Variants in NEBL observed in about 807,000 individuals in gnomAD.
NEBL encodes the protein nebulette, also known as LIM and SH3 protein 2.
A neutral mutation model predicts 140.2 loss-of-function variants in NEBL; 122 were observed. The observed-to-expected ratio is 0.87, with a 90% CI of 0.75 to 1.01. NEBL has a LOEUF of 1.01. NEBL is among the 50% of genes least tolerant of loss of function. The pLI is 0.00. For missense variants in NEBL, 1,365 were observed against 1,231.3 expected (o/e 1.11, Z -1.62); for synonymous variants, 436 against 398.9 (o/e 1.09, Z -1.11).
chr10:21,057,096 AATAAG>A (rs1385543415), intron 2 of NEBL, among the ~76,000 whole-genome samples: 1 of 152,200 alleles, frequency 6.6e-6, no homozygotes. Context: ...GTGGCCACAA[AATAAG>A]ATAAAACAAG....
chr10:21,089,166 C>G (rs563378673), intron 2 of NEBL, among the ~76,000 whole-genome samples: 1 of 148,610 alleles, frequency 6.7e-6, no homozygotes, highest in Non-Finnish European at 1.5e-5. Context: ...TCTGCTTGAG[C>G]GGAGTCTAGA....
At chr10:21,216,639 C>T (rs183128253) in intron 3 of NEBL, among the ~76,000 whole-genome samples, 1 of 152,188 alleles carries the variant, frequency 6.6e-6, no homozygotes, top group African/African-American at 2.4e-5. Flanking sequence ...GGCATGGTGG[C>T]ACACACCTGT....
intron 1 of NEBL, among the ~76,000 whole-genome samples, chr10:21,276,600 T>C (rs1256722462): frequency 6.6e-6 from 1 of 152,110 alleles, no homozygotes; most frequent in East Asian, 1.9e-4. Flanking sequence ...CCGAGGTGGA[T>C]GGATCTCTTG....
At chr10:21,182,831 T>G (rs534898898) in intron 3 of NEBL, among the ~76,000 whole-genome samples, 1 of 152,348 alleles carries the variant, frequency 6.6e-6, no homozygotes, top group East Asian at 1.9e-4. Context: ...TATTTCAATA[T>G]GTGATCAGTA....
intron 2 of NEBL, chr10:21,110,996 G>A (rs984452252): frequency 5.3e-5 from 18 of 339,894 alleles, no homozygotes; most frequent in Non-Finnish European, 8.0e-5. Context: ...ATTCACAATT[G>A]CTACAAAGAG....
At chr10:20,804,087 T>TA (rs1333344196) in intron 26 of NEBL, among the ~76,000 whole-genome samples, 1 of 152,048 alleles carries the variant, frequency 6.6e-6, no homozygotes, top group African/African-American at 2.4e-5. Context: ...GAGCTAGAGA[T>TA]ACAACAGTCA....
intron 2 of NEBL, among the ~76,000 whole-genome samples, chr10:21,131,992 CATA>C (rs1481206386): frequency 3.3e-5 from 5 of 151,682 alleles, no homozygotes; most frequent in Non-Finnish European, 4.4e-5. Flanking sequence ...GACATGTAAT[CATA>C]ATACCATAAA....
chr10:21,111,677 A>T (rs12358463), intron 2 of NEBL, among the ~76,000 whole-genome samples: 25,037 of 142,870 alleles, frequency 0.18, 2,861 homozygotes, highest in African/African-American at 0.33. Context: ...GACATAGGCA[A>T]GGGCAAAGAC....
chr10:20,797,949 A>G (rs996862185), intron 26 of NEBL, among the ~76,000 whole-genome samples: 1 of 151,922 alleles, frequency 6.6e-6, no homozygotes, highest in African/African-American at 2.4e-5. Context: ...AAAAACAAAA[A>G]AATACTCACC....
At chr10:21,259,835 CA>C (rs1396568737) in intron 1 of NEBL, among the ~76,000 whole-genome samples, 1 of 152,138 alleles carries the variant, frequency 6.6e-6, no homozygotes, top group Non-Finnish European at 1.5e-5. Context: ...TCCTAGAGGG[CA>C]GGGGGGTGGA....
Position 21,184,238 on chromosome 10 carries a change from T to G in NEBL, n.349-11761A>C, listed in dbSNP as rs117977492. On this transcript the variant is annotated intron_variant and non_coding_transcript_variant, in intron 3 of 8. Transcript: ENST00000675702. ...TTCCAGTGAAATATGGGTGCAAGCT[T>G]GTCCAAAGGTGTTTTCTTGTCTCAG... is the stretch of plus-strand genomic sequence containing the variant. Among the ~76,000 whole-genome samples the G allele has an allele frequency of 2.4e-3, 362 of 152,352 alleles. 1 individual carries two copies. The highest frequency in any genetic ancestry group is 3.6e-3 in the Non-Finnish European group (248 of 68,028).
chr10:20,824,629 G>A (rs1045392571), intron 18 of NEBL, among the ~76,000 whole-genome samples: 1 of 152,168 alleles, frequency 6.6e-6, no homozygotes. Flanking sequence ...ATACTAAGCA[G>A]GAGTTTATGG....
At chr10:21,275,020 C>T (rs1842902502) in intron 1 of NEBL, among the ~76,000 whole-genome samples, 1 of 152,076 alleles carries the variant, frequency 6.6e-6, no homozygotes, top group Admixed American at 6.5e-5. Flanking sequence ...TAAGTGGACC[C>T]ATGAAGTTCA....
intron 9 of NEBL, among the ~76,000 whole-genome samples, chr10:20,855,633 C>T (rs920188378): frequency 1.1e-4 from 17 of 151,956 alleles, no homozygotes; most frequent in African/African-American, 3.9e-4. Flanking sequence ...GGGAGATACA[C>T]GGAGTAACAC....
At chr10:20,860,695 G>C (rs994790785) in intron 7 of NEBL, among the ~76,000 whole-genome samples, 2 of 150,716 alleles carry the variant, frequency 1.3e-5, no homozygotes, top group African/African-American at 2.4e-5. Context: ...ATATTTTTCT[G>C]ATGTTATAAT....
chr10:20,843,176 C>T (rs964260273), intron 12 of NEBL, among the ~76,000 whole-genome samples: 4 of 152,138 alleles, frequency 2.6e-5, no homozygotes, highest in Non-Finnish European at 5.9e-5. Flanking sequence ...AGGAAAAGCA[C>T]CACAGTTCTA....
At chr10:21,238,716 T>TAA (rs35732687) in intron 3 of NEBL, among the ~76,000 whole-genome samples, 23 of 94,476 alleles carry the variant, frequency 2.4e-4, no homozygotes, top group Non-Finnish European at 4.5e-4. Flanking sequence ...TCAAAAAAAT[T>TAA]AAAAAAAAAA....
intron 7 of NEBL, among the ~76,000 whole-genome samples, chr10:20,861,722 A>G (rs1564395542): frequency 6.6e-6 from 1 of 152,184 alleles, no homozygotes. Context: ...CTGTTTTTGC[A>G]AACTCTGAGG....
At chr10:21,198,067 C>T (rs1303984710) in intron 3 of NEBL, among the ~76,000 whole-genome samples, 1 of 152,022 alleles carries the variant, frequency 6.6e-6, no homozygotes, top group African/African-American at 2.4e-5. Flanking sequence ...TGGTAAATTA[C>T]ACAGCAAGAA....
Sources: gnomAD v4.1 joint callset for allele counts (sites outside exome capture counted in the v4.1 genomes callset) on GRCh38, gnomAD v4.1.1 for gene constraint, MANE v1.5 for transcripts, NCBI Gene and HGNC (gene_info 2026-07-23, HGNC 2026-07-21) for gene names.